The following WDR64 variants were observed in gnomAD, a reference collection of about 807,000 sequenced individuals.
WDR64 encodes the protein WD repeat-containing protein 64.
Under a neutral mutation model 139.3 loss-of-function variants are expected in WDR64, and 112 were observed. The observed-to-expected ratio is 0.80, with a 90% CI of 0.69 to 0.94. The LOEUF (loss-of-function observed/expected upper bound fraction) is 0.94, where lower values mean the gene tolerates loss of function less well. Ranked by LOEUF, WDR64 falls within the 40% of genes least tolerant of loss-of-function variation. The pLI is 0.00. For missense variants in WDR64, 1,206 were observed against 1,293.1 expected (o/e 0.93, Z 1.03); for synonymous variants, 444 against 437.7 (o/e 1.01, Z -0.18).
At chr1:241,758,240 T>C (rs1670283494) in intron 15 of WDR64, among the ~76,000 whole-genome samples, 1 of 152,064 alleles carries the variant, frequency 6.6e-6, no homozygotes, top group South Asian at 2.1e-4. Context: ...ACATTGATTT[T>C]TTTTTTTCTT....
At chr1:241,718,667 T>G (rs757243755) in intron 9 of WDR64, among the ~76,000 whole-genome samples, 3 of 152,162 alleles carry the variant, frequency 2.0e-5, no homozygotes, top group Non-Finnish European at 4.4e-5. Flanking sequence ...TTTAGCCAAC[T>G]TGAGCTGCCT....
At chr1:241,755,459 T>C (rs1311883131) in intron 14 of WDR64, among the ~76,000 whole-genome samples, 1 of 152,218 alleles carries the variant, frequency 6.6e-6, no homozygotes. Context: ...AGATTCTGCA[T>C]ATTACCCCTT....
At chr1:241,796,739 C>T (rs1659379445) in intron 27 of WDR64, among the ~76,000 whole-genome samples, 1 of 152,144 alleles carries the variant, frequency 6.6e-6, no homozygotes, top group African/African-American at 2.4e-5. Context: ...GGTGATCCAC[C>T]CACCTCGGCC....
intron 1 of WDR64, among the ~76,000 whole-genome samples, chr1:241,657,273 C>T (rs1665643148): frequency 6.6e-6 from 1 of 152,088 alleles, no homozygotes; most frequent in African/African-American, 2.4e-5. Context: ...AGTGCAATTG[C>T]CCTCCACTAG....
At chr1:241,752,082 G>A (rs1047371030) in intron 14 of WDR64, among the ~76,000 whole-genome samples, 30 of 152,042 alleles carry the variant, frequency 2.0e-4, no homozygotes, top group Admixed American at 9.2e-4. Flanking sequence ...TTTAACCACA[G>A]TGCTTTATGA....
chr1:241,775,616 A>G (rs1658631043), intron 21 of WDR64, among the ~76,000 whole-genome samples: 1 of 152,088 alleles, frequency 6.6e-6, no homozygotes, highest in South Asian at 2.1e-4. Flanking sequence ...AGGGGACTTT[A>G]TTTTTTATAT....
chr1:241,661,487 A>C (rs767022612), intron 2 of WDR64, among the ~76,000 whole-genome samples: 105 of 152,300 alleles, frequency 6.9e-4, no homozygotes, highest in Non-Finnish European at 1.2e-3. Flanking sequence ...TCTTTGAGGA[A>C]TATTTAATTC....
At chr1:241,669,900 G>A (rs565962789) in intron 2 of WDR64, among the ~76,000 whole-genome samples, 2 of 152,230 alleles carry the variant, frequency 1.3e-5, no homozygotes, top group Admixed American at 6.5e-5. Context: ...CAGATTCTCA[G>A]ACCCACTCCA....
intron 21 of WDR64, among the ~76,000 whole-genome samples, chr1:241,778,054 C>G (rs1462366275): frequency 1.3e-5 from 2 of 152,122 alleles, no homozygotes; most frequent in Non-Finnish European, 2.9e-5. Flanking sequence ...TTGATCTGAA[C>G]TATATCCTTA....
In WDR64 at chr1:241,660,622, CTG is replaced by C. The variant is rs1314292439; in HGVS notation, c.241_242del (p.Cys81GlnfsTer11). 2.6e-6 allele frequency: 4 copies of C among 1,551,514 alleles called. No individual in the cohort carries two copies. In the African/African-American group the frequency reaches 4.1e-5, roughly 16 times the overall value. On this transcript the variant is annotated frameshift_variant, in exon 2 of 28. Transcript: ENST00000437684. LOFTEE classifies it high-confidence loss of function. Reference protein sequence around the residue: ...NQDVKRFYRKLCNNTDASADW... With the variant: ...NQDVKRFYRKXCNNTDASADW... ...AGATGTGAAACGCTTTTACAGGAAA[CTG>C]TGCAACAACACGGATGCATCTGCAG...
intron 8 of WDR64, among the ~76,000 whole-genome samples, chr1:241,705,378 G>A (rs908556525): frequency 9.3e-5 from 14 of 151,316 alleles, no homozygotes; most frequent in South Asian, 4.2e-4. Context: ...CGTCTCTACT[G>A]AAAATACAAA....
At position 241,678,398 on chromosome 1, in the gene WDR64, C is replaced by G. The variant is rs567868960; in HGVS notation, c.513+182C>G. On this transcript the variant is annotated intron_variant, in intron 5 of 27. Coordinates refer to ENST00000437684, the MANE Select transcript of WDR64 (RefSeq NM_001367482.1). Reference sequence around the variant, plus strand: ...GCCTTGAGCAACAGCAAAGAGGACCCAGGTCTTGCTTTCCGGAGTTAAACT... The same window carrying G: ...GCCTTGAGCAACAGCAAAGAGGACCGAGGTCTTGCTTTCCGGAGTTAAACT... Among the ~76,000 whole-genome samples the G allele has an allele frequency of 5.3e-5, 8 of 152,234 alleles. No homozygotes were observed. In the South Asian group the frequency reaches 1.7e-3, roughly 32 times the overall value.
At position 241,674,735 on chromosome 1, in the gene WDR64, T is replaced by TACCTCACCTGGA; in HGVS notation, c.471_472insACCTCACCTGGA (p.Val157_Phe158insThrSerProGly). 3.2e-6 allele frequency: 5 copies of TACCTCACCTGGA among 1,542,942 alleles called. No individual in the cohort carries two copies. Among genetic ancestry groups the TACCTCACCTGGA allele is most frequent in the Non-Finnish European group, 4.4e-6 (5 of 1,140,658 alleles). The stretch of plus-strand genomic sequence containing the variant: ...CTACTCAGAAAGGATTAATAACAGT[T>TACCTCACCTGGA]TTTAATAACCAGGTAATTTCTTTTT... On this transcript the variant is annotated inframe_insertion, in exon 4 of 28. Coordinates refer to ENST00000437684, the MANE Select transcript of WDR64 (RefSeq NM_001367482.1).
chr1:241,747,922 C>T (rs2148258138), intron 13 of WDR64, among the ~76,000 whole-genome samples: 1 of 152,290 alleles, frequency 6.6e-6, no homozygotes, highest in East Asian at 1.9e-4. Context: ...TTGCTGAGAT[C>T]TGAGTGTAGG....
chr1:241,729,203 G>A (rs996885931), intron 10 of WDR64, among the ~76,000 whole-genome samples: 5 of 152,218 alleles, frequency 3.3e-5, no homozygotes, highest in African/African-American at 1.2e-4. Context: ...TGTGTCTCCT[G>A]TAAATTACCT....
intron 13 of WDR64, among the ~76,000 whole-genome samples, chr1:241,748,796 C>T (rs1246416324): frequency 6.6e-6 from 1 of 151,682 alleles, no homozygotes; most frequent in African/African-American, 2.4e-5. Context: ...AAAAATTAGC[C>T]GGGTGTGGTG....
At chr1:241,669,836 T>A (rs1420227638) in intron 2 of WDR64, among the ~76,000 whole-genome samples, 1 of 152,182 alleles carries the variant, frequency 6.6e-6, no homozygotes, top group Non-Finnish European at 1.5e-5. Flanking sequence ...AGTCATTTAG[T>A]CACTAGTTCC....
intron 23 of WDR64, among the ~76,000 whole-genome samples, chr1:241,784,107 A>G (rs1658948147): frequency 6.6e-6 from 1 of 152,254 alleles, no homozygotes; most frequent in Non-Finnish European, 1.5e-5. Flanking sequence ...GAAATTCAAG[A>G]CAGCCTAGCT....
At chr1:241,787,751 A>C in intron 23 of WDR64, 98 bp from the exon 24 acceptor site, 1 of 1,034,406 alleles carries the variant, frequency 9.7e-7, no homozygotes, top group Non-Finnish European at 1.4e-6. Flanking sequence ...AAAATCCTTG[A>C]TGGACCAGCG....
Sources: gnomAD v4.1 joint callset for allele counts (sites outside exome capture counted in the v4.1 genomes callset) on GRCh38, gnomAD v4.1.1 for gene constraint, MANE v1.5 for transcripts, NCBI Gene and HGNC (gene_info 2026-07-23, HGNC 2026-07-21) for gene names.